The following GUCY1A2 variants were observed in gnomAD, a reference collection of about 807,000 sequenced individuals.
GUCY1A2 encodes guanylate cyclase 1 soluble subunit alpha 2.
A neutral mutation model predicts 63.5 loss-of-function variants in GUCY1A2; 27 were observed. The ratio of observed to expected loss-of-function variants is 0.43; its 90% CI spans 0.31 to 0.59. GUCY1A2 has a LOEUF of 0.59. Ranked by LOEUF, GUCY1A2 falls within the 20% of genes least tolerant of loss-of-function variation. GUCY1A2 has a pLI of 0.11. For synonymous variants in GUCY1A2, 364 were observed against 343.5 expected (o/e 1.06, Z -0.66); for missense variants, 768 against 913.3 (o/e 0.84, Z 2.05).
chr11:106,914,918 G>A (rs1199338027), intron 4 of GUCY1A2, among the ~76,000 whole-genome samples: 2 of 151,972 alleles, frequency 1.3e-5, no homozygotes, highest in African/African-American at 4.8e-5. Flanking sequence ...ACTTTTCTTG[G>A]ATCAGACAAT....
At chr11:106,763,166 A>G (rs566697432) in intron 6 of GUCY1A2, among the ~76,000 whole-genome samples, 1 of 152,228 alleles carries the variant, frequency 6.6e-6, no homozygotes, top group African/African-American at 2.4e-5. Flanking sequence ...AAACTGTAAG[A>G]TTAAAAATGG....
intron 6 of GUCY1A2, among the ~76,000 whole-genome samples, chr11:106,716,990 A>G (rs541195601): frequency 6.6e-5 from 10 of 152,244 alleles, no homozygotes; most frequent in Admixed American, 5.2e-4. Context: ...GATAAGGCCA[A>G]TGCTGGGAAG....
At chr11:106,979,994 G>C (rs1861314012) in intron 2 of GUCY1A2, among the ~76,000 whole-genome samples, 1 of 152,152 alleles carries the variant, frequency 6.6e-6, no homozygotes, top group African/African-American at 2.4e-5. Flanking sequence ...TGGTGAGGGG[G>C]GTCCACAGCT....
chr11:107,005,201 G>A (rs1861656493), intron 1 of GUCY1A2, among the ~76,000 whole-genome samples: 1 of 152,210 alleles, frequency 6.6e-6, no homozygotes, highest in South Asian at 2.1e-4. Flanking sequence ...CATAGAATAA[G>A]GGGCAGAGAC....
intron 1 of GUCY1A2, among the ~76,000 whole-genome samples, chr11:106,990,828 A>G (rs371416904): frequency 1.3e-5 from 2 of 152,196 alleles, no homozygotes; most frequent in Non-Finnish European, 2.9e-5. Flanking sequence ...GAAAGTCTAT[A>G]TTCTTATTTG....
chr11:106,763,461 T>C (rs1393959078), intron 6 of GUCY1A2, among the ~76,000 whole-genome samples: 1 of 152,120 alleles, frequency 6.6e-6, no homozygotes. Flanking sequence ...CTGTGTTTTC[T>C]TCCCTCCATA....
intron 4 of GUCY1A2, among the ~76,000 whole-genome samples, chr11:106,916,311 T>G (rs1351040881): frequency 6.9e-6 from 1 of 145,542 alleles, no homozygotes; most frequent in Non-Finnish European, 1.5e-5. Flanking sequence ...TTTCATGGGT[T>G]GCAGATTATC....
At chr11:107,003,495 A>G (rs1861635284) in intron 1 of GUCY1A2, among the ~76,000 whole-genome samples, 1 of 152,030 alleles carries the variant, frequency 6.6e-6, no homozygotes, top group African/African-American at 2.4e-5. Flanking sequence ...AATTTTCAAG[A>G]TACTAGCTAT....
chr11:106,936,624 G>C (rs1159226543), intron 4 of GUCY1A2: 15 of 1,381,308 alleles, frequency 1.1e-5, no homozygotes, highest in African/African-American at 2.9e-5. Flanking sequence ...GCTTGGTCAA[G>C]CCATCTGGAA....
Position 106,986,149 on chromosome 11 carries a change from TAATAAA to T in GUCY1A2, c.304-24_304-19del, listed in dbSNP as rs1565351611. ...GTCTGAGGCTACAGAATAATAATAA[TAATAAA>T]AACATATTATCAGCAAATCAGTACC... On this transcript the variant is annotated intron_variant, in intron 1 of 7. Transcript: ENST00000526355. 1 of 1,270,724 alleles carries T rather than the reference TAATAAA, an allele frequency of 7.9e-7. No individual in the cohort carries two copies. The highest frequency in any genetic ancestry group is 1.7e-5 in the Admixed American group (1 of 59,494). The allele number at this position is 1,270,724 out of a possible 1,614,324, so 78.7% of individuals were successfully genotyped here. A position where few individuals can be genotyped will look rare whatever the true frequency, so the allele number is the denominator to read the frequency against.
At chr11:106,740,171 G>A (rs1179972407) in intron 6 of GUCY1A2, among the ~76,000 whole-genome samples, 1 of 151,726 alleles carries the variant, frequency 6.6e-6, no homozygotes, top group East Asian at 1.9e-4. Flanking sequence ...GCTAATTTTT[G>A]TATTTTTTAG....
chr11:106,793,338 G>A (rs551371082), intron 5 of GUCY1A2, among the ~76,000 whole-genome samples: 1 of 152,106 alleles, frequency 6.6e-6, no homozygotes, highest in South Asian at 2.1e-4. Flanking sequence ...ATGACATACA[G>A]AAAAATCAAC....
chr11:106,710,722 A>G (rs112609352), intron 6 of GUCY1A2, among the ~76,000 whole-genome samples: 112 of 152,146 alleles, frequency 7.4e-4, no homozygotes, highest in African/African-American at 2.5e-3. Flanking sequence ...TAATGGGGTT[A>G]TACTGACACA....
intron 6 of GUCY1A2, among the ~76,000 whole-genome samples, chr11:106,756,020 T>G (rs1863967744): frequency 1.3e-5 from 2 of 152,302 alleles, no homozygotes; most frequent in South Asian, 2.1e-4. Context: ...GCTTTATGAA[T>G]CTGGGTGCTC....
intron 1 of GUCY1A2, among the ~76,000 whole-genome samples, chr11:106,990,583 C>CTG (rs1397174944): frequency 1.5e-4 from 23 of 152,068 alleles, no homozygotes; most frequent in African/African-American, 4.8e-4. Flanking sequence ...GTCTCTCTCT[C>CTG]TCTGTGTGTG....
intron 5 of GUCY1A2, among the ~76,000 whole-genome samples, chr11:106,781,552 A>G (rs7951283): frequency 0.32 from 48,087 of 151,816 alleles, 7,754 homozygotes; most frequent in East Asian, 0.41. Flanking sequence ...TATTAGAGCT[A>G]TGCATTCACC....
intron 4 of GUCY1A2, among the ~76,000 whole-genome samples, chr11:106,828,111 T>A (rs1336999123): frequency 2.0e-5 from 3 of 152,200 alleles, no homozygotes; most frequent in Non-Finnish European, 4.4e-5. Context: ...TAGTTCTTTG[T>A]TGGAGGCATA....
At chr11:106,711,089 A>G (rs1400675785) in intron 6 of GUCY1A2, among the ~76,000 whole-genome samples, 2 of 152,186 alleles carry the variant, frequency 1.3e-5, no homozygotes, top group Admixed American at 6.5e-5. Flanking sequence ...GAGTCAAGAT[A>G]TATCTGAGAA....
intron 3 of GUCY1A2, among the ~76,000 whole-genome samples, chr11:106,945,836 T>G (rs1313008841): frequency 6.6e-6 from 1 of 152,136 alleles, no homozygotes; most frequent in Non-Finnish European, 1.5e-5. Flanking sequence ...TGGTGGCGCA[T>G]GCCTATAATC....
Sources: gnomAD v4.1 joint callset for allele counts (sites outside exome capture counted in the v4.1 genomes callset) on GRCh38, gnomAD v4.1.1 for gene constraint, MANE v1.5 for transcripts, NCBI Gene and HGNC (gene_info 2026-07-23, HGNC 2026-07-21) for gene names.